The following CPNE2 variants were observed in gnomAD, a reference collection of about 807,000 sequenced individuals.
CPNE2 encodes the protein copine-2.
Under a neutral mutation model 69.7 loss-of-function variants are expected in CPNE2, and 42 were observed. The ratio of observed to expected loss-of-function variants is 0.60; its 90% CI spans 0.47 to 0.78. The LOEUF (loss-of-function observed/expected upper bound fraction) is 0.78, where lower values mean the gene tolerates loss of function less well. Ranked by LOEUF, CPNE2 falls within the 30% of genes least tolerant of loss-of-function variation. CPNE2 has a pLI of 0.00. For synonymous variants in CPNE2, 294 were observed against 289.8 expected, an observed-to-expected ratio of 1.01 and a Z score of -0.15; for missense variants, 587 against 732.0, an observed-to-expected ratio of 0.80 and a Z score of 2.29.
intron 14 of CPNE2, chr16:57,144,646 T>A (rs1490496056): frequency 1.3e-5 from 2 of 152,258 alleles, no homozygotes; most frequent in Non-Finnish European, 2.9e-5. Flanking sequence ...AGGACAGAGC[T>A]GAGCTGAAAA....
At chr16:57,142,888 A>C (rs965477596) in intron 14 of CPNE2, 1 of 152,224 alleles carries the variant, frequency 6.6e-6, no homozygotes, top group African/African-American at 2.4e-5. Context: ...GCATTAGGGG[A>C]AGCAGTTGTT....
In CPNE2 at chr16:57,146,115, G is replaced by T; in HGVS notation, c.1333G>T (p.Gly445Trp). 1 of 1,601,962 alleles carries T rather than the reference G, an allele frequency of 6.2e-7. No individual in the cohort carries two copies. Among genetic ancestry groups the T allele is most frequent in the Non-Finnish European group, 8.5e-7 (1 of 1,173,848 alleles). Reference protein sequence around the residue: ...QYFILLIITDGVISDMEETRH... With the variant: ...QYFILLIITDWVISDMEETRH... ...CTTCATCCTCCTCATCATCACGGAC[G>T]GGGTCATCAGTGACATGGAGGAGAC... Residue 445 changes from glycine (G) to tryptophan (W), a missense_variant, in exon 15 of 16, where the codon GGG (glycine) becomes TGG (tryptophan). Around this residue, in one of 5 missense-constraint regions of CPNE2, gnomAD observed 185 missense variants for 252.3 expected, o/e 0.73. Coordinates refer to ENST00000290776, the MANE Select transcript of CPNE2 (RefSeq NM_152727.6). The surrounding 1 kb of genome is among the most constrained non-coding windows in gnomAD (Gnocchi z 4.4).
intron 4 of CPNE2, among the ~76,000 whole-genome samples, chr16:57,116,889 TGTGGGCAGCAG>T (rs2069723019): frequency 6.6e-6 from 1 of 151,942 alleles, no homozygotes; most frequent in Non-Finnish European, 1.5e-5. Context: ...CTTGTGTTGC[TGTGGGCAGCAG>T]GGGAGGGAGA....
intron 1 of CPNE2, among the ~76,000 whole-genome samples, chr16:57,095,221 G>C (rs551036816): frequency 5.9e-5 from 9 of 152,206 alleles, no homozygotes; most frequent in Non-Finnish European, 1.0e-4. Flanking sequence ...AGGTCACCCT[G>C]TGATCTTGGC....
chr16:57,138,457 T>C (rs545784362), intron 14 of CPNE2, among the ~76,000 whole-genome samples: 2 of 152,152 alleles, frequency 1.3e-5, no homozygotes, highest in African/African-American at 4.8e-5. Flanking sequence ...TCAGATTGGA[T>C]CCCCTGAGGC....
Position 57,146,474 on chromosome 16 carries a change from C to T in CPNE2, c.1539+153C>T, listed in dbSNP as rs1188655492. The T allele has an allele frequency of 6.8e-5, 48 of 709,586 alleles. No homozygotes were observed. The highest frequency in any genetic ancestry group is 5.9e-5 in the Admixed American group (2 of 34,128). 44.0% of individuals were successfully genotyped at this position (709,586 alleles called of 1,614,324 possible). ...TTCTGAGGGCCTGCCATGTGCCAGG[C>T]GCCGTGCCAGGCCTTGCCCCGGTGG... is the stretch of plus-strand genomic sequence containing the variant. On this transcript the variant is annotated intron_variant, in intron 15 of 15. Coordinates refer to ENST00000290776, the MANE Select transcript of CPNE2 (RefSeq NM_152727.6). The surrounding 1 kb of genome is among the most constrained non-coding windows in gnomAD (Gnocchi z 4.4).
rs964194299 is a variant in CPNE2 at position 57,123,242 on chromosome 16, C to T, written c.868-172C>T. The T allele has an allele frequency of 2.8e-5, 19 of 669,720 alleles. No homozygotes were observed. The Admixed American group carries it at 3.0e-4, about 11-fold the overall frequency. The allele number at this position is 669,720 out of a possible 1,614,324, so 41.5% of individuals were successfully genotyped here. A position where few individuals can be genotyped will look rare whatever the true frequency, so the allele number is the denominator to read the frequency against. On this transcript the variant is annotated intron_variant, in intron 9 of 15. Coordinates refer to ENST00000290776, the MANE Select transcript of CPNE2 (RefSeq NM_152727.6). ...GTCCCCCACCCATTAGGAACCATTG[C>T]ACTGAAGGCTTTGTTATAGAGAGAT... is the stretch of plus-strand genomic sequence containing the variant.
intron 12 of CPNE2, chr16:57,129,156 T>C: frequency 6.5e-6 from 1 of 152,684 alleles, no homozygotes; most frequent in Non-Finnish European, 1.5e-5. Context: ...CAGAGGTGGG[T>C]GATAGACCCT....
Sources: allele counts gnomAD v4.1 joint callset (sites outside exome capture counted in the v4.1 genomes callset), GRCh38; gene constraint gnomAD v4.1.1; regional missense constraint gnomAD v4.1.1; non-coding constraint Gnocchi (gnomAD v3.1); transcripts MANE v1.5; gene names NCBI Gene and HGNC (gene_info 2026-07-23, HGNC 2026-07-21).